E2F3: variants seen among roughly 807,000 people sequenced by gnomAD.
E2F3 encodes the protein transcription factor E2F3.
A neutral mutation model predicts 44.4 loss-of-function variants in E2F3; 11 were observed. The observed-to-expected ratio is 0.25, with a 90% CI of 0.16 to 0.41. The LOEUF is 0.41. Ranked by LOEUF, E2F3 falls within the 10% of genes least tolerant of loss-of-function variation. The probability of loss-of-function intolerance (pLI) is 1.00; values close to 1 mark genes in which losing one functional copy is unlikely to be tolerated. For missense variants in E2F3, 487 were observed against 583.6 expected, an observed-to-expected ratio of 0.83 and a Z score of 1.70; for synonymous variants, 249 against 253.0, an observed-to-expected ratio of 0.98 and a Z score of 0.15.
intron 1 of E2F3, among the ~76,000 whole-genome samples, chr6:20,453,047 C>T (rs556672213): frequency 1.3e-5 from 2 of 152,054 alleles, no homozygotes; most frequent in African/African-American, 2.4e-5. Context: ...AATTCCTGTA[C>T]GTGATTTACT....
At chr6:20,479,998 G>T in intron 2 of E2F3, 41 bp downstream of exon 2, 1 of 1,559,240 alleles carries the variant, frequency 6.4e-7, no homozygotes. Flanking sequence ...TCCTTGGTAT[G>T]GCATTTCCAA....
At chr6:20,415,667 T>C (rs564228468) in intron 1 of E2F3, among the ~76,000 whole-genome samples, 1 of 152,334 alleles carries the variant, frequency 6.6e-6, no homozygotes, top group Admixed American at 6.5e-5. Flanking sequence ...TAAAATATGA[T>C]ATACATTTTA....
At chr6:20,425,948 T>G (rs181498021) in intron 1 of E2F3, among the ~76,000 whole-genome samples, 27 of 152,316 alleles carry the variant, frequency 1.8e-4, no homozygotes, top group African/African-American at 5.8e-4. Flanking sequence ...TTTGGAGAAG[T>G]TTGAAGCAGC....
rs115587240 is a variant in E2F3, at chr6:20,473,218, A to G, written c.394-6628A>G. 6.6e-3 allele frequency among the ~76,000 whole-genome samples: 1,005 copies of G among 152,356 alleles called. 5 individuals carry two copies. Among genetic ancestry groups the G allele is most frequent in the Non-Finnish European group, 0.011 (728 of 68,024 alleles). ...AGAGTTTTTAAATCAGGAATAAAAT[A>G]AAGTGTGTCATTAAGGCAATATCAA... On this transcript the variant is annotated intron_variant, in intron 1 of 6. Transcript: ENST00000346618.
At chr6:20,432,137 G>C (rs551274176) in intron 1 of E2F3, among the ~76,000 whole-genome samples, 1 of 152,384 alleles carries the variant, frequency 6.6e-6, no homozygotes, top group South Asian at 2.1e-4. Context: ...GGACGTGGGG[G>C]TGGGCGTTTA....
intron 1 of E2F3, among the ~76,000 whole-genome samples, chr6:20,417,588 T>TAA (rs11344554): frequency 7.2e-6 from 1 of 139,134 alleles, no homozygotes. Flanking sequence ...ATAATGGATT[T>TAA]AAAAAAAAAA....
At chr6:20,477,580 G>A (rs1222251922) in intron 1 of E2F3, among the ~76,000 whole-genome samples, 2 of 152,098 alleles carry the variant, frequency 1.3e-5, no homozygotes, top group Non-Finnish European at 2.9e-5. Context: ...CACCTGGAAG[G>A]CCTGTTAGAT....
chr6:20,409,070 A>T (rs1182219975), intron 1 of E2F3, among the ~76,000 whole-genome samples: 1 of 152,224 alleles, frequency 6.6e-6, no homozygotes, highest in Non-Finnish European at 1.5e-5. Context: ...GCAAAGCCAA[A>T]ACCGAAACGG....
intron 3 of E2F3, among the ~76,000 whole-genome samples, chr6:20,482,342 G>GTTTT (rs71734781): frequency 7.7e-6 from 1 of 130,148 alleles, no homozygotes; most frequent in African/African-American, 2.8e-5. Context: ...TTGTTTTTTT[G>GTTTT]TTTTTTTTTT....
intron 4 of E2F3, among the ~76,000 whole-genome samples, chr6:20,483,523 CT>C (rs1186353758): frequency 1.3e-5 from 2 of 152,166 alleles, no homozygotes; most frequent in Non-Finnish European, 2.9e-5. Context: ...ACCCCAAGAC[CT>C]GAGAAACCCC....
chr6:20,465,936 G>T (rs1761689414), intron 1 of E2F3, among the ~76,000 whole-genome samples: 1 of 152,032 alleles, frequency 6.6e-6, no homozygotes, highest in African/African-American at 2.4e-5. Flanking sequence ...TTTGAATAAT[G>T]ACTTCTTTTC....
At chr6:20,405,594 G>A (rs1759468735) in intron 1 of E2F3, among the ~76,000 whole-genome samples, 1 of 152,190 alleles carries the variant, frequency 6.6e-6, no homozygotes, top group Non-Finnish European at 1.5e-5. Flanking sequence ...GGAAGCCGAG[G>A]GGGGCGGATC....
At chr6:20,479,722 G>T in intron 1 of E2F3, 124 bp from the exon 2 acceptor site, 1 of 725,012 alleles carries the variant, frequency 1.4e-6, no homozygotes. Context: ...TGCTGAGTGG[G>T]GTGGAGCAGA....
chr6:20,455,367 C>G (rs929377343), intron 1 of E2F3, among the ~76,000 whole-genome samples: 2 of 152,192 alleles, frequency 1.3e-5, no homozygotes, highest in Non-Finnish European at 2.9e-5. Context: ...GACTTTCCCA[C>G]TTGGCTCTGT....
intron 1 of E2F3, among the ~76,000 whole-genome samples, chr6:20,424,131 G>A (rs1243879839): frequency 6.6e-6 from 1 of 151,350 alleles, no homozygotes; most frequent in East Asian, 1.9e-4. Context: ...TTCCTAATCT[G>A]CAAACCATAA....
chr6:20,425,387 CT>C lies in E2F3; in HGVS notation c.393+22781del, dbSNP rs879940355. ...TGCGCACAACCCCAGGAACCTTCTACTTTTTTTTTTTTTTTTTTTGAGACAA... is the reference window on the plus strand; with the variant it reads ...TGCGCACAACCCCAGGAACCTTCTACTTTTTTTTTTTTTTTTTTGAGACAA... On this transcript the variant is annotated intron_variant, in intron 1 of 6. Transcript: ENST00000346618. 3.5e-3 allele frequency among the ~76,000 whole-genome samples: 478 copies of C among 134,788 alleles called. 1 individual carries two copies. Among genetic ancestry groups the C allele is most frequent in the African/African-American group, 6.5e-3 (234 of 36,236 alleles). The allele number at this position is 134,788 out of a possible 152,430, so 88.4% of individuals were successfully genotyped here. A position where few individuals can be genotyped will look rare whatever the true frequency, so the allele number is the denominator to read the frequency against.
intron 1 of E2F3, among the ~76,000 whole-genome samples, chr6:20,463,919 G>C (rs1047027941): frequency 6.6e-6 from 1 of 152,140 alleles, no homozygotes; most frequent in African/African-American, 2.4e-5. Context: ...TATAAATTGG[G>C]GTTCCCACAA....
At chr6:20,419,244 A>G (rs1457889978) in intron 1 of E2F3, among the ~76,000 whole-genome samples, 1 of 152,158 alleles carries the variant, frequency 6.6e-6, no homozygotes, top group African/African-American at 2.4e-5. Context: ...TTTCATTTTA[A>G]CTATTGCTAT....
chr6:20,408,688 T>C (rs4712494), intron 1 of E2F3, among the ~76,000 whole-genome samples: 33,437 of 152,092 alleles, frequency 0.22, 3,969 homozygotes, highest in Admixed American at 0.31. Context: ...CCACTTAGCT[T>C]TGTAAACTAA....
Sources: gnomAD v4.1 joint callset for allele counts (sites outside exome capture counted in the v4.1 genomes callset) on GRCh38, gnomAD v4.1.1 for gene constraint, MANE v1.5 for transcripts, NCBI Gene and HGNC (gene_info 2026-07-23, HGNC 2026-07-21) for gene names.